Variants in PRKAA1 observed in about 807,000 individuals in gnomAD.
PRKAA1 encodes the protein protein kinase AMP-activated catalytic subunit alpha 1.
PRKAA1 carries 23 observed loss-of-function variants against 56.9 expected under a neutral mutation model. That is an observed-to-expected ratio of 0.40 (90% confidence interval 0.29 to 0.57). The LOEUF is 0.57. PRKAA1 is among the 20% of genes least tolerant of loss of function. The pLI, the probability that PRKAA1 is intolerant of heterozygous loss-of-function variation, is 0.39. For synonymous variants in PRKAA1, 226 were observed against 227.0 expected (o/e 1.00, Z 0.04); for missense variants, 413 against 679.7 (o/e 0.61, Z 4.36).
At chr5:40,776,911 A>T (rs1744029872) in intron 2 of PRKAA1, 1 of 152,386 alleles carries the variant, frequency 6.6e-6, no homozygotes. Context: ...TCCAGGAGAC[A>T]GGAAAGAATG....
At chr5:40,774,899 GCTGTAAATTCTTTATATCTAA>G in intron 3 of PRKAA1, 1 of 1,540,926 alleles carries the variant, frequency 6.5e-7, no homozygotes, top group Non-Finnish European at 8.9e-7. Context: ...GTTCCTTCCA[GCTGTAAATTCTTTATATCTAA>G]TTCCTACCTC....
intron 1 of PRKAA1, 105 bp from the exon 2 acceptor site, chr5:40,777,691 T>C (rs1744076893): frequency 8.9e-7 from 1 of 1,122,846 alleles, no homozygotes; most frequent in Admixed American, 2.8e-5. Flanking sequence ...CCCAGCACTT[T>C]GGGAGGCCGA....
At chr5:40,792,771 T>TA (rs1744767676) in intron 1 of PRKAA1, among the ~76,000 whole-genome samples, 1 of 152,064 alleles carries the variant, frequency 6.6e-6, no homozygotes, top group African/African-American at 2.4e-5. Context: ...CAGAAATACT[T>TA]ACGAACTTAG....
intron 3 of PRKAA1, 73 bp from the exon 4 acceptor site, chr5:40,771,936 C>T: frequency 6.6e-7 from 1 of 1,518,916 alleles, no homozygotes; most frequent in Non-Finnish European, 8.9e-7. Context: ...ATTCTCCAAC[C>T]TATAAAATTG....
chr5:40,785,000 T>C (rs970446833), intron 1 of PRKAA1, among the ~76,000 whole-genome samples: 5 of 152,204 alleles, frequency 3.3e-5, no homozygotes, highest in Admixed American at 6.5e-5. Flanking sequence ...AAATTCTTAA[T>C]GTATATACAG....
At position 40,762,528 on chromosome 5, in the gene PRKAA1, C is replaced by G. The variant is rs778062822; in HGVS notation, c.*250G>C. On this transcript the variant is annotated 3_prime_UTR_variant, in exon 9 of 9. Coordinates refer to ENST00000397128, the MANE Select transcript of PRKAA1 (RefSeq NM_006251.6). ...ATAAAATAGCCAAAAATCAAGTAAGCCTGAGACCTATAATTCACTGTGTAT... is the reference window on the plus strand; with the variant it reads ...ATAAAATAGCCAAAAATCAAGTAAGGCTGAGACCTATAATTCACTGTGTAT... 4.1e-5 allele frequency: 17 copies of G among 418,386 alleles called. No homozygotes were observed. The highest frequency in any genetic ancestry group is 6.9e-5 in the Non-Finnish European group (16 of 232,874). The allele number at this position is 418,386 out of a possible 1,614,324, so 25.9% of individuals were successfully genotyped here.
At position 40,767,455 on chromosome 5, in the gene PRKAA1, T is replaced by C; in HGVS notation, c.821+11A>G. 6.3e-7 allele frequency: 1 copy of C among 1,594,396 alleles called. No individual in the cohort carries two copies. The highest frequency in any genetic ancestry group is 8.6e-7 in the Non-Finnish European group (1 of 1,163,136). ...CTATCAGATCTGATAACTTCCAAAC[T>C]GCTTTATTACCTGATATCTTTGATT... On this transcript the variant is annotated intron_variant, in intron 6 of 8. Transcript: ENST00000397128.
chr5:40,792,810 C>T lies in PRKAA1; in HGVS notation c.127+5253G>A, dbSNP rs185636595. On this transcript the variant is annotated intron_variant, in intron 1 of 8. Coordinates refer to ENST00000397128, the MANE Select transcript of PRKAA1 (RefSeq NM_006251.6). Reference sequence around the variant, plus strand: ...AAGCATGGTGGCTCATGCCTGTAATCCCAGCACTGTGGGAGGCTGAGGTGG... The same window carrying T: ...AAGCATGGTGGCTCATGCCTGTAATTCCAGCACTGTGGGAGGCTGAGGTGG... Among the ~76,000 whole-genome samples the T allele has an allele frequency of 5.0e-3, 764 of 152,186 alleles. 8 individuals are homozygous for T. The highest frequency in any genetic ancestry group is 0.017 in the African/African-American group (722 of 41,520).
intron 1 of PRKAA1, among the ~76,000 whole-genome samples, chr5:40,796,232 C>T (rs1222393454): frequency 1.3e-5 from 2 of 152,018 alleles, no homozygotes; most frequent in Non-Finnish European, 2.9e-5. Context: ...AGGAGAACTG[C>T]TTGAACCCAG....
At chr5:40,768,994 C>A (rs1359561345) in intron 5 of PRKAA1, 1 of 1,190,024 alleles carries the variant, frequency 8.4e-7, no homozygotes. Context: ...ATTACTTCAG[C>A]CCAGTTCCCC....
At chr5:40,784,676 TA>T (rs1561183525) in intron 1 of PRKAA1, among the ~76,000 whole-genome samples, 1 of 152,146 alleles carries the variant, frequency 6.6e-6, no homozygotes, top group African/African-American at 2.4e-5. Flanking sequence ...GTATACAACT[TA>T]CTAGTTAATA....
At chr5:40,789,994 C>A (rs568069138) in intron 1 of PRKAA1, 1 of 152,220 alleles carries the variant, frequency 6.6e-6, no homozygotes, top group East Asian at 1.9e-4. Flanking sequence ...AAGAGGAGAC[C>A]TGAAATCAAA....
At chr5:40,791,864 C>T (rs1377467877) in intron 1 of PRKAA1, among the ~76,000 whole-genome samples, 2 of 152,212 alleles carry the variant, frequency 1.3e-5, no homozygotes, top group African/African-American at 4.8e-5. Context: ...TTCATCTGTC[C>T]TCAGAAGTAA....
chr5:40,798,307 A>G lies in PRKAA1; in HGVS notation c.-118T>C. ...AGTCACCGCCCTGCGCCGCCAGCCC[A>G]GGCCCCGCAGCCTACGTCGGGCGCA... On this transcript the variant is annotated 5_prime_UTR_variant, in exon 1 of 9. Coordinates refer to ENST00000397128, the MANE Select transcript of PRKAA1 (RefSeq NM_006251.6). The G allele has an allele frequency of 5.4e-6, 3 of 555,088 alleles. No individual in the cohort carries two copies. The highest frequency in any genetic ancestry group is 5.3e-6 in the Non-Finnish European group (2 of 376,142). 34.4% of individuals were successfully genotyped at this position (555,088 alleles called of 1,614,324 possible).
chr5:40,763,711 C>T (rs1743296259), intron 8 of PRKAA1, among the ~76,000 whole-genome samples: 4 of 152,140 alleles, frequency 2.6e-5, no homozygotes, highest in Admixed American at 2.6e-4. Context: ...AAAAATAAAA[C>T]TCATTCCGTA....
intron 1 of PRKAA1, among the ~76,000 whole-genome samples, chr5:40,791,618 A>G (rs1374813138): frequency 1.3e-5 from 2 of 152,256 alleles, no homozygotes; most frequent in Non-Finnish European, 2.9e-5. Context: ...TATTCTAGAC[A>G]CCTAACCATT....
At position 40,761,556 on chromosome 5, in the gene PRKAA1, T is replaced by C. The variant is rs1743189272; in HGVS notation, c.*1222A>G. 1 of 152,200 alleles carries C rather than the reference T, an allele frequency of 6.6e-6. No individual in the cohort carries two copies. Among genetic ancestry groups the C allele is most frequent in the African/African-American group, 2.4e-5 (1 of 41,468 alleles). The allele number at this position is 152,200 out of a possible 1,614,324, so 9.4% of individuals were successfully genotyped here. On this transcript the variant is annotated 3_prime_UTR_variant, in exon 9 of 9. Coordinates refer to ENST00000397128, the MANE Select transcript of PRKAA1 (RefSeq NM_006251.6). ...TCTAAATGGTAGATATACATGTGCT[T>C]ACCAAACAGTTTTTCAATTTTTCTG...
rs1205168457 is a variant in PRKAA1, at chr5:40,777,586, A to G, written c.128T>C (p.Val43Ala). The G allele has an allele frequency of 7.5e-6, 12 of 1,600,234 alleles. No homozygotes were observed. Among genetic ancestry groups the G allele is most frequent in the South Asian group, 3.3e-5 (3 of 89,610 alleles). ...LGVGTFGKVKVGKHELTGHKV... is the reference protein window; with the variant it reads ...LGVGTFGKVKAGKHELTGHKV... ...ATGCCCAGTCAATTCATGTTTGCCAACTGTAAAAGAAGTAATTTAATAAAT... is the reference window on the plus strand; with the variant it reads ...ATGCCCAGTCAATTCATGTTTGCCAGCTGTAAAAGAAGTAATTTAATAAAT... Residue 43 changes from valine to alanine, a missense_variant and splice_region_variant, in exon 2 of 9, where the codon GTT becomes GCT. By Grantham distance (64) the Val-to-Ala change is moderately conservative. This residue lies in a region of PRKAA1 where 61 missense variants were observed against 73.1 expected (regional missense o/e 0.83). Coordinates refer to ENST00000397128, the MANE Select transcript of PRKAA1 (RefSeq NM_006251.6).
At position 40,798,197 on chromosome 5, in the gene PRKAA1, C is replaced by T. The variant is rs1745032203; in HGVS notation, c.-8G>A. The T allele has an allele frequency of 1.4e-6, 1 of 723,574 alleles. No homozygotes were observed. Among genetic ancestry groups the T allele is most frequent in the Non-Finnish European group, 1.8e-6 (1 of 564,862 alleles). 44.8% of individuals were successfully genotyped at this position (723,574 alleles called of 1,614,324 possible). On this transcript the variant is annotated 5_prime_UTR_variant, in exon 1 of 9. Transcript: ENST00000397128. Reference sequence around the variant, plus strand: ...GGAACTGAGTCTGCGCATGGCGCTGCGGGAGGGGGCGGAGGGGGCGGGCAG... The same window carrying T: ...GGAACTGAGTCTGCGCATGGCGCTGTGGGAGGGGGCGGAGGGGGCGGGCAG...
Sources: gnomAD v4.1 joint callset for allele counts (sites outside exome capture counted in the v4.1 genomes callset) on GRCh38, gnomAD v4.1.1 for gene constraint, gnomAD v4.1.1 regional missense constraint, MANE v1.5 for transcripts, NCBI Gene and HGNC (gene_info 2026-07-23, HGNC 2026-07-21) for gene names.